MAML3: variants seen among roughly 807,000 people sequenced by gnomAD.
MAML3 encodes the protein mastermind like transcriptional coactivator 3.
In MAML3, 27 loss-of-function variants were observed where a neutral mutation model predicts 101.9. The observed-to-expected ratio is 0.27, with a 90% CI of 0.20 to 0.37. The LOEUF (loss-of-function observed/expected upper bound fraction) is 0.37. Ranked by LOEUF, MAML3 falls within the 10% of genes least tolerant of loss-of-function variation. The pLI, the probability that MAML3 is intolerant of heterozygous loss-of-function variation, is 1.00. For synonymous variants in MAML3, 501 were observed against 555.9 expected, an observed-to-expected ratio of 0.90 and a Z score of 1.39; for missense variants, 1,316 against 1,444.9, an observed-to-expected ratio of 0.91 and a Z score of 1.45.
intron 3 of MAML3, among the ~76,000 whole-genome samples, chr4:139,729,014 G>A (rs534650554): frequency 6.6e-6 from 1 of 152,280 alleles, no homozygotes; most frequent in African/African-American, 2.4e-5. Flanking sequence ...ATTTGTCACT[G>A]CCTGAGAGAG....
chr4:140,135,410 T>C (rs1728867075), intron 1 of MAML3, among the ~76,000 whole-genome samples: 1 of 152,252 alleles, frequency 6.6e-6, no homozygotes, highest in South Asian at 2.1e-4. Flanking sequence ...AATTAACGCA[T>C]TTAATAATTA....
intron 1 of MAML3, among the ~76,000 whole-genome samples, chr4:140,127,752 T>C (rs1441985910): frequency 6.6e-6 from 1 of 152,092 alleles, no homozygotes; most frequent in Middle Eastern, 3.2e-3. Flanking sequence ...ATCAACACTA[T>C]GAGGAAGGAA....
Position 139,719,625 on chromosome 4 carries a change from C to T in MAML3, c.3115G>A (p.Gly1039Ser). ...QMMPSLPGQQ[G>S]TSQARPMVMS... ...ACCATTGGCCTCGCCTGGCTGGTGCCTTGCTGCCCCGGGAGCGATGGCATC... is the reference window on the plus strand; with the variant it reads ...ACCATTGGCCTCGCCTGGCTGGTGCTTTGCTGCCCCGGGAGCGATGGCATC... Residue 1039 changes from glycine (G) to serine (S), a missense_variant, in exon 5 of 5, where the codon GGC (glycine) becomes AGC (serine). Transcript: ENST00000509479. The T allele has an allele frequency of 6.2e-7, 1 of 1,612,484 alleles. No homozygotes were observed. The highest frequency in any genetic ancestry group is 8.5e-7 in the Non-Finnish European group (1 of 1,179,318).
chr4:139,781,461 T>C lies in MAML3; in HGVS notation c.2080-50794A>G, dbSNP rs189685191. Among the ~76,000 whole-genome samples, 219 of 151,082 alleles carry C rather than the reference T, an allele frequency of 1.4e-3. 2 individuals carry two copies. Among genetic ancestry groups the C allele is most frequent in the African/African-American group, 5.0e-3 (208 of 41,288 alleles). ...AATCTCAAAATCCCAGTTCTATTAC[T>C]AGATTGTTGTGGTAGGAGCTCTCTT... On this transcript the variant is annotated intron_variant, in intron 2 of 4. Transcript: ENST00000509479.
intron 1 of MAML3, among the ~76,000 whole-genome samples, chr4:140,081,760 G>C (rs1197732400): frequency 2.6e-5 from 4 of 152,192 alleles, no homozygotes; most frequent in African/African-American, 9.7e-5. Flanking sequence ...AACACCAGAG[G>C]ATGTGAACCG....
At chr4:139,847,069 A>C (rs757568982) in intron 2 of MAML3, among the ~76,000 whole-genome samples, 6 of 152,202 alleles carry the variant, frequency 3.9e-5, no homozygotes, top group Non-Finnish European at 5.9e-5. Context: ...TGATTTGCAA[A>C]TGGTACAAAT....
chr4:140,127,902 C>G (rs1171134226), intron 1 of MAML3: 1 of 152,188 alleles, frequency 6.6e-6, no homozygotes, highest in African/African-American at 2.4e-5. Flanking sequence ...ACTTACTTCC[C>G]AAAATTTTAT....
At chr4:140,063,404 A>T (rs1425473127) in intron 1 of MAML3, among the ~76,000 whole-genome samples, 2 of 152,108 alleles carry the variant, frequency 1.3e-5, no homozygotes, top group Non-Finnish European at 2.9e-5. Context: ...AAGACAAGTG[A>T]CTCAAGTCAT....
At chr4:139,754,332 A>G (rs1254726067) in intron 2 of MAML3, among the ~76,000 whole-genome samples, 1 of 152,250 alleles carries the variant, frequency 6.6e-6, no homozygotes, top group Non-Finnish European at 1.5e-5. Flanking sequence ...TGTGGACAAC[A>G]CAGAAAAATA....
At chr4:139,930,977 T>C (rs1560839925) in intron 1 of MAML3, among the ~76,000 whole-genome samples, 1 of 151,628 alleles carries the variant, frequency 6.6e-6, no homozygotes, top group Non-Finnish European at 1.5e-5. Context: ...TTTCGTTCTC[T>C]AAAAAAAAGG....
intron 2 of MAML3, among the ~76,000 whole-genome samples, chr4:139,832,521 A>C (rs1436999942): frequency 6.6e-6 from 1 of 152,148 alleles, no homozygotes; most frequent in African/African-American, 2.4e-5. Context: ...TGGGAAGAGA[A>C]GCTATAAAAA....
rs58459047 is a variant in MAML3 at position 140,147,131 on chromosome 4, C to CAA, written c.468+5727_468+5728dup. On this transcript the variant is annotated intron_variant, in intron 1 of 4. Coordinates refer to ENST00000509479, the MANE Select transcript of MAML3 (RefSeq NM_018717.5). ...CTGACGGCAGAGTGAGACTCCATCT[C>CAA]AAAAAAAAAAAAAAAAAAAAAAAAA... Among the ~76,000 whole-genome samples the CAA allele has an allele frequency of 4.8e-4, 39 of 81,340 alleles. 1 individual carries two copies. Among genetic ancestry groups the CAA allele is most frequent in the African/African-American group, 1.6e-3 (38 of 23,396 alleles). 53.4% of individuals were successfully genotyped at this position (81,340 alleles called of 152,430 possible).
rs779448336 is a variant in MAML3 at position 139,889,672 on chromosome 4, G to A, written c.1764C>T (p.Asn588=). ...INQQPNNLGT[N]SLNKQHNILT... Reference sequence around the variant, plus strand: ...GAATATTGTGCTGTTTGTTTAAGGAGTTTGTACCCAAGTTATTTGGCTGCT... The same window carrying A: ...GAATATTGTGCTGTTTGTTTAAGGAATTTGTACCCAAGTTATTTGGCTGCT... Residue 588 remains asparagine, a synonymous_variant, in exon 2 of 5, where the codon AAC becomes AAT. Transcript: ENST00000509479. 5.6e-6 allele frequency: 9 copies of A among 1,613,896 alleles called. No homozygotes were observed. In the South Asian group the frequency reaches 7.7e-5, roughly 14 times the overall value.
At chr4:140,117,252 T>C (rs962041306) in intron 1 of MAML3, among the ~76,000 whole-genome samples, 1 of 152,192 alleles carries the variant, frequency 6.6e-6, no homozygotes, top group Non-Finnish European at 1.5e-5. Context: ...CTAATTATAT[T>C]GATCCAAATA....
Position 139,889,635 on chromosome 4 carries a change from T to C in MAML3, c.1801A>G (p.Asn601Asp). Residue 601 changes from asparagine (N) to aspartate (D), a missense_variant, in exon 2 of 5, where the codon AAC becomes GAC. Transcript: ENST00000509479. ...TTGAAGTGGGTCAGGGGTTTAGTGT[T>C]GCCATAAGTCAGAATATTGTGCTGT... is the stretch of plus-strand genomic sequence containing the variant. ...NKQHNILTYG[N>D]TKPLTHFNAD... 1.2e-6 allele frequency: 2 copies of C among 1,614,018 alleles called. No individual in the cohort carries two copies. Among genetic ancestry groups the C allele is most frequent in the Non-Finnish European group, 1.7e-6 (2 of 1,179,900 alleles).
At chr4:140,052,046 T>A (rs1226514579) in intron 1 of MAML3, among the ~76,000 whole-genome samples, 4 of 152,202 alleles carry the variant, frequency 2.6e-5, no homozygotes, top group East Asian at 1.9e-4. Flanking sequence ...TTAAGTTTCT[T>A]ACTTTGTGAC....
At chr4:139,744,558 A>G (rs1037201462) in intron 2 of MAML3, among the ~76,000 whole-genome samples, 9 of 151,992 alleles carry the variant, frequency 5.9e-5, no homozygotes, top group African/African-American at 9.7e-5. Context: ...TGGCGTGTAT[A>G]TTTTGCTATT....
intron 2 of MAML3, among the ~76,000 whole-genome samples, chr4:139,888,220 A>G (rs1472477549): frequency 6.6e-6 from 1 of 152,190 alleles, no homozygotes; most frequent in Non-Finnish European, 1.5e-5. Context: ...GATGCAAATA[A>G]CCAAGTGAGG....
intron 2 of MAML3, among the ~76,000 whole-genome samples, chr4:139,742,144 CTTTTCTT>C (rs36215138): frequency 0.23 from 28,771 of 127,500 alleles, 2,769 homozygotes; most frequent in African/African-American, 0.31. Context: ...CTTTTCTTTT[CTTTTCTT>C]TTTTTTTTTT....
Sources: allele counts gnomAD v4.1 joint callset (sites outside exome capture counted in the v4.1 genomes callset), GRCh38; gene constraint gnomAD v4.1.1; transcripts MANE v1.5; gene names NCBI Gene and HGNC (gene_info 2026-07-23, HGNC 2026-07-21).